The following CCDC171 variants were observed in gnomAD, a reference collection of about 807,000 sequenced individuals.
CCDC171 encodes the protein coiled-coil domain-containing protein 171.
CCDC171 carries 177 observed loss-of-function variants against 168.2 expected under a neutral mutation model. The observed-to-expected ratio is 1.05, with a 90% confidence interval of 0.93 to 1.19. The LOEUF (loss-of-function observed/expected upper bound fraction) is 1.19, where lower values mean the gene tolerates loss of function less well. Ranked by LOEUF, CCDC171 falls within the 50% of genes most tolerant of loss-of-function variation. CCDC171 has a pLI of 0.00. For missense variants in CCDC171, 1,991 were observed against 1,539.0 expected (o/e 1.29, Z -4.91); for synonymous variants, 687 against 540.8 (o/e 1.27, Z -3.75).
intron 23 of CCDC171, among the ~76,000 whole-genome samples, chr9:15,866,998 A>G (rs1176671051): frequency 6.6e-6 from 1 of 152,014 alleles, no homozygotes; most frequent in Non-Finnish European, 1.5e-5. Context: ...TGCTTTGTTT[A>G]TTTGATTACT....
intron 17 of CCDC171, among the ~76,000 whole-genome samples, chr9:15,745,200 G>T (rs1016414395): frequency 1.3e-5 from 2 of 152,168 alleles, no homozygotes; most frequent in African/African-American, 4.8e-5. Flanking sequence ...TGAGACAAAT[G>T]TAAATTTTCC....
rs1258343615 is a variant in CCDC171 at position 15,633,485 on chromosome 9, C to T, written c.822+10072C>T. On this transcript the variant is annotated intron_variant, in intron 7 of 25. Coordinates refer to ENST00000380701, the MANE Select transcript of CCDC171 (RefSeq NM_173550.4). The stretch of plus-strand genomic sequence containing the variant: ...AAAATCACAATGAGATACCATCTCA[C>T]ACCAGTTAGAATGGCAATCATTAAA... Among the ~76,000 whole-genome samples the T allele has an allele frequency of 3.3e-5, 5 of 152,166 alleles. No individual in the cohort carries two copies. In the South Asian group the frequency reaches 8.3e-4, roughly 25 times the overall value.
At position 15,724,818 on chromosome 9, in the gene CCDC171, CATTTACACACTAA is replaced by C; in HGVS notation, c.1537_1549del (p.Leu513ValfsTer7). On this transcript the variant is annotated frameshift_variant, in exon 14 of 26. Transcript: ENST00000380701. LOFTEE classifies it high-confidence loss of function. Reference sequence around the variant, plus strand: ...GGCTGATGTTAATAAAGAGTTAAGTCATTTACACACTAAATGTGCAGACCGAGAGGCTTTAATA... The same window carrying C: ...GGCTGATGTTAATAAAGAGTTAAGTCATGTGCAGACCGAGAGGCTTTAATA... 1 of 1,613,664 alleles carries C rather than the reference CATTTACACACTAA, an allele frequency of 6.2e-7. No homozygotes were observed. The highest frequency in any genetic ancestry group is 1.1e-5 in the South Asian group (1 of 91,028).
intron 6 of CCDC171, among the ~76,000 whole-genome samples, chr9:15,617,857 C>T: frequency 6.6e-6 from 1 of 152,284 alleles, no homozygotes; most frequent in East Asian, 1.9e-4. Flanking sequence ...GCAAAGATTG[C>T]TGCCTGCTCC....
intron 21 of CCDC171, among the ~76,000 whole-genome samples, chr9:15,819,942 A>G (rs1462321165): frequency 8.5e-6 from 1 of 117,818 alleles, no homozygotes; most frequent in African/African-American, 3.2e-5. Context: ...AGTTGGAAGT[A>G]AAGCACTCCT....
intron 7 of CCDC171, among the ~76,000 whole-genome samples, chr9:15,640,413 A>G (rs541593516): frequency 6.6e-6 from 1 of 152,286 alleles, no homozygotes; most frequent in Admixed American, 6.5e-5. Flanking sequence ...CCACCTTCAA[A>G]TTAGAATGCC....
chr9:15,904,339 T>G (rs1283875346), intron 24 of CCDC171, among the ~76,000 whole-genome samples: 1 of 152,152 alleles, frequency 6.6e-6, no homozygotes, highest in Admixed American at 6.5e-5. Context: ...CGGCAGAAAC[T>G]CTACAAGCCA....
intron 3 of CCDC171, among the ~76,000 whole-genome samples, chr9:15,576,133 TTG>T (rs202239015): frequency 0.39 from 56,546 of 144,948 alleles, 13,058 homozygotes; most frequent in East Asian, 0.84. Flanking sequence ...CATATTTCAG[TTG>T]TGTGTGTGTG....
At chr9:15,656,291 CA>C (rs1037457716) in intron 7 of CCDC171, among the ~76,000 whole-genome samples, 1 of 150,538 alleles carries the variant, frequency 6.6e-6, no homozygotes, top group African/African-American at 2.5e-5. Flanking sequence ...CACTGCATTC[CA>C]GCCTGGGTGA....
Position 15,744,453 on chromosome 9 carries a change from C to T in CCDC171, c.2230C>T (p.Arg744Ter), listed in dbSNP as rs769819716. 8.7e-6 allele frequency: 14 copies of T among 1,614,148 alleles called. No individual in the cohort carries two copies. The highest frequency in any genetic ancestry group is 3.3e-5 in the South Asian group (3 of 91,080). The change falls in exon 17 of 26, where the codon CGA (arginine) becomes TGA (stop). Residue 744 changes from arginine to a stop codon, truncating the protein, a stop_gained. Coordinates refer to ENST00000380701, the MANE Select transcript of CCDC171 (RefSeq NM_173550.4). LOFTEE classifies it high-confidence loss of function. Reference sequence around the variant, plus strand: ...TGGTGCCTTATATCCCCTCTATAGCCGATCATGCGCCTTGTCTACACAGAG... The same window carrying T: ...TGGTGCCTTATATCCCCTCTATAGCTGATCATGCGCCTTGTCTACACAGAG... ...MAGALYPLYS[R>*]SCALSTQRDF... is the part of the protein sequence containing the mutation.
intron 24 of CCDC171, among the ~76,000 whole-genome samples, chr9:15,897,335 C>G (rs1008900348): frequency 6.6e-6 from 1 of 151,766 alleles, no homozygotes; most frequent in Admixed American, 6.6e-5. Context: ...GCTATAATTT[C>G]TAAGCTTAAT....
chr9:15,821,926 T>C (rs2059789265), intron 21 of CCDC171, among the ~76,000 whole-genome samples: 1 of 150,660 alleles, frequency 6.6e-6, no homozygotes, highest in Non-Finnish European at 1.5e-5. Flanking sequence ...CTACCTGACT[T>C]CAAACTATAC....
chr9:15,560,171 C>T (rs982714367), intron 1 of CCDC171, among the ~76,000 whole-genome samples: 1 of 152,100 alleles, frequency 6.6e-6, no homozygotes, highest in African/African-American at 2.4e-5. Context: ...TTTTTTCCTT[C>T]ATTTCAACTT....
chr9:15,564,101 A>C lies in CCDC171; in HGVS notation c.13A>C (p.Thr5Pro). 1 of 1,607,068 alleles carries C rather than the reference A, an allele frequency of 6.2e-7. No individual in the cohort carries two copies. The highest frequency in any genetic ancestry group is 1.1e-5 in the South Asian group (1 of 90,144). Reference sequence around the variant, plus strand: ...GTTGGAAAACATCATGAATTTGAATACTTCAAGTAATACTGGTGATACCCA... The same window carrying C: ...GTTGGAAAACATCATGAATTTGAATCCTTCAAGTAATACTGGTGATACCCA... The part of the protein sequence containing the change: MNLN[T>P]SSNTGDTQRL... The change falls in exon 2 of 26, where the codon ACT becomes CCT. Residue 5 changes from threonine (T) to proline (P), a missense_variant. Thr to Pro is a conservative substitution (Grantham distance 38). Transcript: ENST00000380701.
chr9:15,575,738 T>C (rs957247736), intron 3 of CCDC171, among the ~76,000 whole-genome samples: 6 of 152,234 alleles, frequency 3.9e-5, no homozygotes, highest in African/African-American at 1.2e-4. Flanking sequence ...GTCATAGTAG[T>C]GTTAGCAGCA....
At position 15,901,443 on chromosome 9, in the gene CCDC171, C is replaced by A. The variant is rs149768989; in HGVS notation, c.3601-18827C>A. 3.9e-5 allele frequency among the ~76,000 whole-genome samples: 6 copies of A among 152,242 alleles called. No individual in the cohort carries two copies. The East Asian group carries it at 1.2e-3, about 29-fold the overall frequency. On this transcript the variant is annotated intron_variant, in intron 24 of 25. Coordinates refer to ENST00000380701, the MANE Select transcript of CCDC171 (RefSeq NM_173550.4). ...GAAAGAGGGTTTATGTGTATAGGGG[C>A]AGAGCATGTATGGGAACTCTCTGTA...
intron 7 of CCDC171, among the ~76,000 whole-genome samples, chr9:15,634,429 G>A (rs1031635469): frequency 2.0e-5 from 3 of 152,140 alleles, no homozygotes; most frequent in Admixed American, 6.6e-5. Flanking sequence ...TTATGATGCT[G>A]TTTAATGTGC....
intron 6 of CCDC171, among the ~76,000 whole-genome samples, chr9:15,607,545 T>C (rs967847148): frequency 2.0e-5 from 3 of 152,150 alleles, no homozygotes; most frequent in African/African-American, 7.2e-5. Context: ...CACTGCAACC[T>C]CTGCCTCCTG....
chr9:15,647,342 T>C (rs200629434), intron 7 of CCDC171, among the ~76,000 whole-genome samples: 14 of 151,962 alleles, frequency 9.2e-5, no homozygotes, highest in African/African-American at 1.5e-4. Context: ...ATTAAAAGAA[T>C]TACAGAAGCA....
Sources: allele counts gnomAD v4.1 joint callset (sites outside exome capture counted in the v4.1 genomes callset), GRCh38; gene constraint gnomAD v4.1.1; transcripts MANE v1.5; gene names NCBI Gene and HGNC (gene_info 2026-07-23, HGNC 2026-07-21).